The following TMEM87B variants were observed in gnomAD, a reference collection of about 807,000 sequenced individuals.
The protein encoded by TMEM87B is transmembrane protein 87B.
A neutral mutation model predicts 80.3 loss-of-function variants in TMEM87B; 83 were observed. The ratio of observed to expected loss-of-function variants is 1.03; its 90% CI spans 0.87 to 1.24. TMEM87B has a LOEUF of 1.24. TMEM87B is among the 50% of genes most tolerant of loss of function. The pLI is 0.00. For synonymous variants in TMEM87B, 219 were observed against 230.5 expected, an observed-to-expected ratio of 0.95 and a Z score of 0.45; for missense variants, 625 against 674.4, an observed-to-expected ratio of 0.93 and a Z score of 0.81.
chr2:112,090,878 A>G lies in TMEM87B; in HGVS notation c.1033-834A>G, dbSNP rs540699679. ...TCATAAATATTTATCCAATAGTGCTAAAAAGCCTCATTCTTCTCCCTGTTG... is the reference window on the plus strand; with the variant it reads ...TCATAAATATTTATCCAATAGTGCTGAAAAGCCTCATTCTTCTCCCTGTTG... On this transcript the variant is annotated intron_variant, in intron 10 of 18. Coordinates refer to ENST00000283206, the MANE Select transcript of TMEM87B (RefSeq NM_032824.3). Among the ~76,000 whole-genome samples, 52 of 152,314 alleles carry G rather than the reference A, an allele frequency of 3.4e-4. 1 individual carries two copies. The highest frequency in any genetic ancestry group is 3.4e-3 in the Middle Eastern group (1 of 294).
intron 4 of TMEM87B, among the ~76,000 whole-genome samples, chr2:112,071,934 CTTA>C (rs1678652647): frequency 6.6e-6 from 1 of 151,788 alleles, no homozygotes; most frequent in African/African-American, 2.4e-5. Context: ...ATAGGTGGCT[CTTA>C]TTATTTTGAG....
Position 112,118,314 on chromosome 2 carries a change from T to TG in TMEM87B, c.*2172dup, listed in dbSNP as rs1680077239. ...CAGGAGAAGTTATACCTAGGGCTACTGAGCAGCTCATCATCCCTGTTTCTG... is the reference window on the plus strand; with the variant it reads ...CAGGAGAAGTTATACCTAGGGCTACTGGAGCAGCTCATCATCCCTGTTTCTG... On this transcript the variant is annotated 3_prime_UTR_variant, in exon 19 of 19. Coordinates refer to ENST00000283206, the MANE Select transcript of TMEM87B (RefSeq NM_032824.3). The TG allele has an allele frequency of 1.3e-5, 2 of 152,204 alleles. No homozygotes were observed. Among genetic ancestry groups the TG allele is most frequent in the Admixed American group, 1.3e-4 (2 of 15,286 alleles). The allele number at this position is 152,204 out of a possible 1,614,324, so 9.4% of individuals were successfully genotyped here.
At chr2:112,056,589 A>G (rs1415181469) in intron 1 of TMEM87B, among the ~76,000 whole-genome samples, 1 of 152,236 alleles carries the variant, frequency 6.6e-6, no homozygotes, top group Admixed American at 6.5e-5. Context: ...CAGATGACTC[A>G]TCCAGCACTG....
At chr2:112,073,135 G>A (rs1348378115) in intron 4 of TMEM87B, among the ~76,000 whole-genome samples, 1 of 151,950 alleles carries the variant, frequency 6.6e-6, no homozygotes, top group Admixed American at 6.6e-5. Context: ...CGTGACCTCA[G>A]ATGATCCACC....
At chr2:112,101,943 T>C (rs1044883108) in intron 15 of TMEM87B, among the ~76,000 whole-genome samples, 1 of 152,202 alleles carries the variant, frequency 6.6e-6, no homozygotes, top group African/African-American at 2.4e-5. Context: ...AACAACCCAA[T>C]TTTAATTCTA....
chr2:112,081,932 CAG>C (rs1249737647), intron 8 of TMEM87B, among the ~76,000 whole-genome samples: 2 of 152,134 alleles, frequency 1.3e-5, no homozygotes, highest in Non-Finnish European at 2.9e-5. Context: ...GGAGTAAAAT[CAG>C]GGGTGCTGGA....
chr2:112,071,684 A>G (rs571288426), intron 4 of TMEM87B, among the ~76,000 whole-genome samples: 21 of 152,302 alleles, frequency 1.4e-4, no homozygotes, highest in Middle Eastern at 3.4e-3. Context: ...GCTTTTGGGC[A>G]GAGAGTATGG....
intron 15 of TMEM87B, among the ~76,000 whole-genome samples, chr2:112,103,247 T>C (rs1243003283): frequency 6.6e-6 from 1 of 152,078 alleles, no homozygotes; most frequent in Non-Finnish European, 1.5e-5. Context: ...TAATGAAAAA[T>C]ACGTAAAACC....
intron 2 of TMEM87B, among the ~76,000 whole-genome samples, chr2:112,061,732 T>C (rs1332525162): frequency 1.3e-5 from 2 of 152,192 alleles, no homozygotes; most frequent in Admixed American, 6.5e-5. Context: ...GATCAACATA[T>C]GAGTAGACTA....
intron 10 of TMEM87B, among the ~76,000 whole-genome samples, chr2:112,090,966 C>T (rs939911711): frequency 6.6e-6 from 1 of 151,972 alleles, no homozygotes; most frequent in African/African-American, 2.4e-5. Flanking sequence ...TTTATTTCCA[C>T]GTTTGTATGA....
chr2:112,058,233 A>G (rs1678141778), intron 1 of TMEM87B, among the ~76,000 whole-genome samples: 1 of 152,218 alleles, frequency 6.6e-6, no homozygotes, highest in Admixed American at 6.5e-5. Flanking sequence ...AAGTTCTGGC[A>G]GGGTTGTTAG....
intron 5 of TMEM87B, among the ~76,000 whole-genome samples, chr2:112,075,377 G>C (rs1269880607): frequency 6.6e-6 from 1 of 152,136 alleles, no homozygotes; most frequent in Non-Finnish European, 1.5e-5. Context: ...TTCAGCCTGG[G>C]TGACAGAGCA....
intron 17 of TMEM87B, among the ~76,000 whole-genome samples, chr2:112,110,547 G>A (rs778555791): frequency 2.0e-5 from 3 of 151,920 alleles, no homozygotes; most frequent in Non-Finnish European, 4.4e-5. Context: ...TTCCTGCACT[G>A]TTATATGGAA....
In TMEM87B at chr2:112,086,045, T is replaced by G; in HGVS notation, c.879T>G (p.Ile293Met). The stretch of plus-strand genomic sequence containing the variant: ...TATTTGCGGAGTTGATTTCTGCGAT[T>G]AAGAGGACGTTGGCTCGCCTTCTCG... ...LLIFAELISA[I>M]KRTLARLLVI... The change falls in exon 9 of 19, where the codon ATT becomes ATG. Residue 293 changes from isoleucine to methionine, a missense_variant. Ile to Met is a conservative substitution (Grantham distance 10). Transcript: ENST00000283206. 1 of 1,614,244 alleles carries G rather than the reference T, an allele frequency of 6.2e-7. No individual in the cohort carries two copies. The highest frequency in any genetic ancestry group is 8.5e-7 in the Non-Finnish European group (1 of 1,180,040).
At chr2:112,096,227 G>A (rs1353908974) in intron 11 of TMEM87B, among the ~76,000 whole-genome samples, 1 of 152,018 alleles carries the variant, frequency 6.6e-6, no homozygotes, top group African/African-American at 2.4e-5. Context: ...GAACCAAACT[G>A]TAAGTATTCT....
rs182712830 is a variant in TMEM87B, at chr2:112,071,084, A to G, written c.451-3828A>G. Among the ~76,000 whole-genome samples the G allele has an allele frequency of 4.4e-3, 674 of 151,788 alleles. 5 individuals are homozygous for G. The highest frequency in any genetic ancestry group is 0.016 in the African/African-American group (646 of 41,326). On this transcript the variant is annotated intron_variant, in intron 4 of 18. Coordinates refer to ENST00000283206, the MANE Select transcript of TMEM87B (RefSeq NM_032824.3). ...TCATGATCCACCCGCCTCGGCCTCC[A>G]AAGTGCTGGGATTACAGGCATGAGC...
intron 3 of TMEM87B, among the ~76,000 whole-genome samples, chr2:112,066,602 T>C (rs1678444575): frequency 6.6e-6 from 1 of 152,252 alleles, no homozygotes. Flanking sequence ...CTCTTACACA[T>C]GGGATAAAAT....
chr2:112,107,705 A>C, intron 16 of TMEM87B, 83 bp from the exon 17 acceptor site: 1 of 645,200 alleles, frequency 1.5e-6, no homozygotes, highest in Non-Finnish European at 2.5e-6. Context: ...ACATTTAAAC[A>C]CTTAAGTTAT....
intron 15 of TMEM87B, among the ~76,000 whole-genome samples, chr2:112,103,732 GGTGAATATCTCAAATCTCT>G (rs1679693411): frequency 6.6e-6 from 1 of 152,110 alleles, no homozygotes; most frequent in African/African-American, 2.4e-5. Flanking sequence ...ATTGGAGAGT[GGTGAATATCTCAAATCTCT>G]GTGAATATCT....
Sources: allele counts gnomAD v4.1 joint callset (sites outside exome capture counted in the v4.1 genomes callset), GRCh38; gene constraint gnomAD v4.1.1; transcripts MANE v1.5; gene names NCBI Gene and HGNC (gene_info 2026-07-23, HGNC 2026-07-21).